Variants in GABRB2 observed in about 807,000 individuals in gnomAD.
The protein encoded by GABRB2 is gamma-aminobutyric acid type A receptor subunit beta2.
In GABRB2, 16 loss-of-function variants were observed where a neutral mutation model predicts 54.7. The ratio of observed to expected loss-of-function variants is 0.29; its 90% CI spans 0.20 to 0.44. GABRB2 has a LOEUF of 0.44. Ranked by LOEUF, GABRB2 falls within the 20% of genes least tolerant of loss-of-function variation. The pLI, the probability that GABRB2 is intolerant of heterozygous loss-of-function variation, is 1.00. For missense variants in GABRB2, 355 were observed against 644.0 expected, an observed-to-expected ratio of 0.55 and a Z score of 4.86; for synonymous variants, 244 against 233.8, an observed-to-expected ratio of 1.04 and a Z score of -0.40.
rs866872826 is a variant in GABRB2, at chr5:161,332,947, G to A, written c.832+1805C>T. On this transcript the variant is annotated intron_variant, in intron 7 of 9. Transcript: ENST00000393959. ...TTACATTTCTCGTGTCCTCTTTATA[G>A]CTGTCATTTTGAGACATTTTCCAGT... is the stretch of plus-strand genomic sequence containing the variant. Among the ~76,000 whole-genome samples the A allele has an allele frequency of 2.0e-5, 3 of 151,806 alleles. No homozygotes were observed. The South Asian group carries it at 6.2e-4, about 32-fold the overall frequency.
At chr5:161,388,460 C>T (rs994044165) in intron 5 of GABRB2, among the ~76,000 whole-genome samples, 1 of 151,988 alleles carries the variant, frequency 6.6e-6, no homozygotes, top group African/African-American at 2.4e-5. Context: ...TTATTATGCA[C>T]ATCACATATT....
chr5:161,534,444 G>T (rs1438433215), intron 3 of GABRB2, among the ~76,000 whole-genome samples: 1 of 152,110 alleles, frequency 6.6e-6, no homozygotes, highest in African/African-American at 2.4e-5. Flanking sequence ...TTACATTCTT[G>T]TAGGAATTTC....
At position 161,454,831 on chromosome 5, in the gene GABRB2, A is replaced by G. The variant is rs529183128; in HGVS notation, c.458+4793T>C. 3.7e-4 allele frequency among the ~76,000 whole-genome samples: 56 copies of G among 152,234 alleles called. 1 individual carries two copies. The highest frequency in any genetic ancestry group is 1.3e-3 in the African/African-American group (54 of 41,550). ...CGACAAAAGTCCAAATTAAAACCCA[A>G]CTTCCATTATCATTACTCTTTGTTA... On this transcript the variant is annotated intron_variant, in intron 4 of 9. Coordinates refer to ENST00000393959, the MANE Select transcript of GABRB2 (RefSeq NM_001371727.1).
At chr5:161,490,023 T>C (rs975703224) in intron 3 of GABRB2, among the ~76,000 whole-genome samples, 14 of 151,698 alleles carry the variant, frequency 9.2e-5, no homozygotes, top group African/African-American at 3.4e-4. Context: ...GCTGTAAGCA[T>C]AGAAGCTGAT....
In GABRB2 at chr5:161,341,164, A is replaced by G. The variant is rs145469856; in HGVS notation, c.542-4395T>C. 1.6e-4 allele frequency among the ~76,000 whole-genome samples: 24 copies of G among 152,124 alleles called. No individual in the cohort carries two copies. In the East Asian group the frequency reaches 4.5e-3, roughly 28 times the overall value. ...ACTATGTAGGATGAGTTTAAAGCAGACCTTGTTTTCTTCTTTTCTTTGGAT... is the reference window on the plus strand; with the variant it reads ...ACTATGTAGGATGAGTTTAAAGCAGGCCTTGTTTTCTTCTTTTCTTTGGAT... On this transcript the variant is annotated intron_variant, in intron 5 of 9. Coordinates refer to ENST00000393959, the MANE Select transcript of GABRB2 (RefSeq NM_001371727.1).
At chr5:161,363,445 T>TG (rs1441953625) in intron 5 of GABRB2, among the ~76,000 whole-genome samples, 1 of 151,996 alleles carries the variant, frequency 6.6e-6, no homozygotes, top group Non-Finnish European at 1.5e-5. Flanking sequence ...GGTTGATGGG[T>TG]GCAGCAACCC....
At chr5:161,450,751 T>C (rs1757767254) in intron 4 of GABRB2, among the ~76,000 whole-genome samples, 1 of 152,214 alleles carries the variant, frequency 6.6e-6, no homozygotes, top group Admixed American at 6.6e-5. Flanking sequence ...AAATTAATTC[T>C]AAATATATTT....
At chr5:161,506,994 T>C (rs1297436808) in intron 3 of GABRB2, among the ~76,000 whole-genome samples, 1 of 152,172 alleles carries the variant, frequency 6.6e-6, no homozygotes, top group East Asian at 1.9e-4. Context: ...GACAGATTTT[T>C]TGACTAGGAC....
chr5:161,535,465 C>T (rs1195023318), intron 3 of GABRB2, among the ~76,000 whole-genome samples: 3 of 151,828 alleles, frequency 2.0e-5, no homozygotes, highest in Non-Finnish European at 4.4e-5. Context: ...AGAGTAAAAA[C>T]AACTATAACG....
At position 161,453,822 on chromosome 5, in the gene GABRB2, A is replaced by C. The variant is rs141237128; in HGVS notation, c.458+5802T>G. Among the ~76,000 whole-genome samples the C allele has an allele frequency of 1.4e-4, 22 of 152,192 alleles. No individual in the cohort carries two copies. The East Asian group carries it at 3.9e-3, about 27-fold the overall frequency. On this transcript the variant is annotated intron_variant, in intron 4 of 9. Transcript: ENST00000393959. The stretch of plus-strand genomic sequence containing the variant: ...GAGGTCGGGGTGGGCAGATCATTTG[A>C]AATCAGGAGTTGAAGACCAGCCTGG...
At chr5:161,406,963 C>T (rs1756365492) in intron 5 of GABRB2, among the ~76,000 whole-genome samples, 1 of 152,070 alleles carries the variant, frequency 6.6e-6, no homozygotes, top group Non-Finnish European at 1.5e-5. Context: ...AAAACGAGAA[C>T]ACTAAGCTCC....
rs1757942357 is a variant in GABRB2, at chr5:161,455,962, GA to G, written c.458+3661del. On this transcript the variant is annotated intron_variant, in intron 4 of 9. Coordinates refer to ENST00000393959, the MANE Select transcript of GABRB2 (RefSeq NM_001371727.1). ...CTATCTTTATTATGTTTTAATACCTGAAGATTTCACTGAAGAAAACCTATGA... is the reference window on the plus strand; with the variant it reads ...CTATCTTTATTATGTTTTAATACCTGAGATTTCACTGAAGAAAACCTATGA... Among the ~76,000 whole-genome samples, 3 of 152,118 alleles carry G rather than the reference GA, an allele frequency of 2.0e-5. No individual in the cohort carries two copies. In the South Asian group the frequency reaches 6.2e-4, roughly 32 times the overall value.
At chr5:161,423,283 G>A (rs1756902130) in intron 4 of GABRB2, among the ~76,000 whole-genome samples, 1 of 152,084 alleles carries the variant, frequency 6.6e-6, no homozygotes, top group Non-Finnish European at 1.5e-5. Flanking sequence ...TTCATCTTGA[G>A]AGAAGAAAGA....
chr5:161,545,507 G>A (rs1349653450), intron 2 of GABRB2, among the ~76,000 whole-genome samples: 2 of 149,842 alleles, frequency 1.3e-5, no homozygotes, highest in Non-Finnish European at 3.0e-5. Flanking sequence ...ATGCACACAC[G>A]TATGCTGTGA....
chr5:161,476,792 A>C (rs1758603954), intron 3 of GABRB2, among the ~76,000 whole-genome samples: 1 of 151,928 alleles, frequency 6.6e-6, no homozygotes, highest in South Asian at 2.1e-4. Context: ...AAATTAACCC[A>C]AAATGGATTA....
chr5:161,318,466 A>T lies in GABRB2; in HGVS notation c.1191+7902T>A, dbSNP rs898250466. On this transcript the variant is annotated intron_variant, in intron 9 of 9. Transcript: ENST00000393959. ...ACTCCCAAATCATTGCTCACTGTTT[A>T]TTGAATAATTCACAGATTTCCAATG... Among the ~76,000 whole-genome samples, 13 of 152,136 alleles carry T rather than the reference A, an allele frequency of 8.5e-5. No homozygotes were observed. The East Asian group carries it at 2.3e-3, about 27-fold the overall frequency.
intron 4 of GABRB2, among the ~76,000 whole-genome samples, chr5:161,436,341 G>T (rs1757307700): frequency 6.6e-6 from 1 of 152,062 alleles, no homozygotes; most frequent in South Asian, 2.1e-4. Context: ...GACCAGCCTG[G>T]TCAGCATAGT....
At chr5:161,341,609 G>A (rs1005420805) in intron 5 of GABRB2, among the ~76,000 whole-genome samples, 12 of 151,620 alleles carry the variant, frequency 7.9e-5, no homozygotes, top group Middle Eastern at 3.4e-3. Context: ...TATAAGATAC[G>A]AATGGTAGAT....
intron 3 of GABRB2, among the ~76,000 whole-genome samples, chr5:161,522,851 T>C (rs1227010497): frequency 1.3e-5 from 2 of 151,556 alleles, no homozygotes; most frequent in Non-Finnish European, 3.0e-5. Context: ...TTCCGGATAT[T>C]ATCATTATTG....
Sources: allele counts gnomAD v4.1 joint callset (sites outside exome capture counted in the v4.1 genomes callset), GRCh38; gene constraint gnomAD v4.1.1; transcripts MANE v1.5; gene names NCBI Gene and HGNC (gene_info 2026-07-23, HGNC 2026-07-21).